The following PRKN variants were observed in gnomAD, a reference collection of about 807,000 sequenced individuals.
PRKN encodes the protein parkin RBR E3 ubiquitin protein ligase.
In PRKN, 56 loss-of-function variants were observed where a neutral mutation model predicts 59.5. That is an observed-to-expected ratio of 0.94 (90% CI 0.76 to 1.18). PRKN has a LOEUF of 1.18. Among genes scored for constraint, PRKN ranks in the 50% most tolerant of loss-of-function variants. The probability of loss-of-function intolerance (pLI) is 0.00; values close to 1 mark genes in which losing one functional copy is unlikely to be tolerated. For synonymous variants in PRKN, 250 were observed against 222.1 expected (o/e 1.13, Z -1.12); for missense variants, 657 against 596.4 (o/e 1.10, Z -1.06).
intron 9 of PRKN, among the ~76,000 whole-genome samples, chr6:161,491,765 G>A (rs1310157682): frequency 6.6e-6 from 1 of 151,958 alleles, no homozygotes; most frequent in Non-Finnish European, 1.5e-5. Context: ...TGAGTAGCTG[G>A]GATTACAGGT....
At chr6:161,912,214 C>G (rs1778389262) in intron 6 of PRKN, among the ~76,000 whole-genome samples, 2 of 150,962 alleles carry the variant, frequency 1.3e-5, no homozygotes, top group Admixed American at 1.3e-4. Flanking sequence ...GAAAAATTTT[C>G]TAAGATTGCA....
chr6:162,339,473 G>A (rs1784054503), intron 2 of PRKN, among the ~76,000 whole-genome samples: 2 of 146,802 alleles, frequency 1.4e-5, no homozygotes, highest in African/African-American at 5.0e-5. Flanking sequence ...GGGAAGTGAG[G>A]AGCCCCTCTG....
intron 4 of PRKN, among the ~76,000 whole-genome samples, chr6:162,097,215 G>GT (rs1326560811): frequency 1.3e-5 from 2 of 152,114 alleles, no homozygotes; most frequent in African/African-American, 4.8e-5. Context: ...CGTATAGTAT[G>GT]ATTTTTTTTA....
At chr6:162,407,080 C>T (rs1788108899) in intron 2 of PRKN, among the ~76,000 whole-genome samples, 1 of 152,018 alleles carries the variant, frequency 6.6e-6, no homozygotes, top group South Asian at 2.1e-4. Context: ...ATTTATATTC[C>T]CAGGCAGACT....
At chr6:162,046,079 T>A (rs777374550) in intron 5 of PRKN, among the ~76,000 whole-genome samples, 4 of 152,230 alleles carry the variant, frequency 2.6e-5, no homozygotes, top group Admixed American at 6.5e-5. Context: ...TCTCTCCTAA[T>A]CTAAAACCTA....
Position 161,757,886 on chromosome 6 carries a change from T to C in PRKN, c.871+27886A>G, listed in dbSNP as rs867250968. Reference sequence around the variant, plus strand: ...CTCTCTCTCTCTGTGTATATATATATACACACACACACACACACACACACA... The same window carrying C: ...CTCTCTCTCTCTGTGTATATATATACACACACACACACACACACACACACA... On this transcript the variant is annotated intron_variant, in intron 7 of 11. Coordinates refer to ENST00000366898, the MANE Select transcript of PRKN (RefSeq NM_004562.3). Among the ~76,000 whole-genome samples the C allele has an allele frequency of 5.2e-3, 608 of 116,248 alleles. 32 individuals are homozygous for C. The highest frequency in any genetic ancestry group is 0.018 in the African/African-American group (496 of 27,682). The allele number at this position is 116,248 out of a possible 152,430, so 76.3% of individuals were successfully genotyped here.
intron 3 of PRKN, among the ~76,000 whole-genome samples, chr6:162,253,904 C>G (rs1779537438): frequency 6.6e-6 from 1 of 152,106 alleles, no homozygotes; most frequent in Non-Finnish European, 1.5e-5. Flanking sequence ...CAGAGTATCA[C>G]TCACCAAGCT....
At chr6:162,514,767 A>C (rs1344380804) in intron 1 of PRKN, among the ~76,000 whole-genome samples, 2 of 152,152 alleles carry the variant, frequency 1.3e-5, no homozygotes, top group African/African-American at 2.4e-5. Flanking sequence ...CATCTCTATA[A>C]AAGAAAAAAC....
At chr6:161,957,403 C>G (rs1269734816) in intron 6 of PRKN, among the ~76,000 whole-genome samples, 1 of 135,612 alleles carries the variant, frequency 7.4e-6, no homozygotes, top group African/African-American at 2.9e-5. Context: ...TTTTGTTGTT[C>G]TTGTTGTTTT....
In PRKN at chr6:161,454,226, G is replaced by T. The variant is rs931930783; in HGVS notation, c.1084-67349C>A. On this transcript the variant is annotated intron_variant, in intron 9 of 11. Transcript: ENST00000366898. The surrounding 1 kb of genome is among the most constrained non-coding windows in gnomAD (Gnocchi z 4.6). Reference sequence around the variant, plus strand: ...CGGCAGCATGGGTTCTATAGGTCGGGGTGGCATTAGCACTGACGGCACATA... The same window carrying T: ...CGGCAGCATGGGTTCTATAGGTCGGTGTGGCATTAGCACTGACGGCACATA... 6.6e-6 allele frequency among the ~76,000 whole-genome samples: 1 copy of T among 152,108 alleles called. No homozygotes were observed. Among genetic ancestry groups the T allele is most frequent in the Non-Finnish European group, 1.5e-5 (1 of 68,018 alleles).
intron 6 of PRKN, among the ~76,000 whole-genome samples, chr6:161,844,928 T>C (rs906857208): frequency 2.0e-5 from 3 of 152,198 alleles, no homozygotes; most frequent in Non-Finnish European, 4.4e-5. Context: ...TAAATAATAA[T>C]CATGATAACA....
intron 7 of PRKN, among the ~76,000 whole-genome samples, chr6:161,750,118 TACAC>T (rs955038865): frequency 1.0e-4 from 14 of 137,740 alleles, no homozygotes; most frequent in South Asian, 2.5e-4. Context: ...TATATATATA[TACAC>T]ACACACACAC....
chr6:161,408,317 TAAA>T (rs35131999), intron 9 of PRKN, among the ~76,000 whole-genome samples: 8,289 of 99,526 alleles, frequency 0.083, 366 homozygotes, highest in African/African-American at 0.17. Context: ...GAAAAACTGG[TAAA>T]AAAAAAAAAA....
intron 2 of PRKN, among the ~76,000 whole-genome samples, chr6:162,433,127 G>T (rs1789615296): frequency 6.6e-6 from 1 of 152,054 alleles, no homozygotes; most frequent in Non-Finnish European, 1.5e-5. Context: ...CAAATAAAAT[G>T]TTTATATTTT....
At position 162,132,109 on chromosome 6, in the gene PRKN, G is replaced by A. The variant is rs578114524; in HGVS notation, c.534+69022C>T. Among the ~76,000 whole-genome samples, 4 of 152,272 alleles carry A rather than the reference G, an allele frequency of 2.6e-5. No individual in the cohort carries two copies. The South Asian group carries it at 8.3e-4, about 32-fold the overall frequency. ...TTGACCCCTGAAGATGGGAAGGAGTGGACACAGAGAGGAGAAAGAACATCA... is the reference window on the plus strand; with the variant it reads ...TTGACCCCTGAAGATGGGAAGGAGTAGACACAGAGAGGAGAAAGAACATCA... On this transcript the variant is annotated intron_variant, in intron 4 of 11. Transcript: ENST00000366898.
At chr6:162,368,054 C>T (rs1785548236) in intron 2 of PRKN, among the ~76,000 whole-genome samples, 1 of 152,124 alleles carries the variant, frequency 6.6e-6, no homozygotes, top group Admixed American at 6.5e-5. Context: ...GCGCCTTTCC[C>T]CTGACCTGCC....
At chr6:162,603,003 A>T (rs1253814028) in intron 1 of PRKN, among the ~76,000 whole-genome samples, 1 of 152,020 alleles carries the variant, frequency 6.6e-6, no homozygotes, top group African/African-American at 2.4e-5. Context: ...GGTTGGTCCA[A>T]CTCCCAAACC....
At chr6:161,620,973 C>A (rs766365910) in intron 7 of PRKN, among the ~76,000 whole-genome samples, 1 of 152,086 alleles carries the variant, frequency 6.6e-6, no homozygotes, top group Non-Finnish European at 1.5e-5. Flanking sequence ...CGATGACTAT[C>A]CAGGGGGATT....
intron 1 of PRKN, among the ~76,000 whole-genome samples, chr6:162,472,609 T>A (rs1791811230): frequency 7.8e-6 from 1 of 128,722 alleles, no homozygotes; most frequent in South Asian, 2.7e-4. Context: ...TGCCTCAGCC[T>A]CCCGAGTAGC....
Sources: gnomAD v4.1 joint callset for allele counts (sites outside exome capture counted in the v4.1 genomes callset) on GRCh38, gnomAD v4.1.1 for gene constraint, Gnocchi (gnomAD v3.1) non-coding constraint, MANE v1.5 for transcripts, NCBI Gene and HGNC (gene_info 2026-07-23, HGNC 2026-07-21) for gene names.